The following NOX4 variants were observed in gnomAD, a reference collection of about 807,000 sequenced individuals.
The protein encoded by NOX4 is kidney oxidase-1.
In NOX4, 69 loss-of-function variants were observed where a neutral mutation model predicts 87.6. That is an observed-to-expected ratio of 0.79 (90% CI 0.65 to 0.96). The LOEUF is 0.96. NOX4 is among the 40% of genes least tolerant of loss of function. NOX4 has a pLI of 0.00. For missense variants in NOX4, 680 were observed against 681.5 expected, an observed-to-expected ratio of 1.00 and a Z score of 0.02; for synonymous variants, 275 against 238.2, an observed-to-expected ratio of 1.15 and a Z score of -1.42.
At chr11:89,477,869 T>A (rs1946232663) in intron 2 of NOX4, among the ~76,000 whole-genome samples, 1 of 152,126 alleles carries the variant, frequency 6.6e-6, no homozygotes, top group South Asian at 2.1e-4. Flanking sequence ...ATTTTTGAAA[T>A]TCTAACTAAG....
chr11:89,557,221 C>A, the NOX4 span: 4 of 152,088 alleles, frequency 2.6e-5, no homozygotes, highest in Non-Finnish European at 5.9e-5. Flanking sequence ...AACTGTGTGG[C>A]AATACAAAAG....
intron 2 of NOX4, among the ~76,000 whole-genome samples, chr11:89,458,346 C>T (rs1230479316): frequency 1.3e-5 from 2 of 152,014 alleles, no homozygotes; most frequent in Non-Finnish European, 2.9e-5. Context: ...AAACCTAAAA[C>T]TACAAAAAGC....
At chr11:89,437,614 T>C (rs1213410992) in intron 6 of NOX4, among the ~76,000 whole-genome samples, 1 of 152,040 alleles carries the variant, frequency 6.6e-6, no homozygotes, top group African/African-American at 2.4e-5. Context: ...ATTTGCTGAA[T>C]TGGGTGAGTC....
chr11:89,563,698 C>T, the NOX4 span, among the ~76,000 whole-genome samples: 1 of 152,034 alleles, frequency 6.6e-6, no homozygotes, highest in African/African-American at 2.4e-5. Context: ...AAATTTTGAA[C>T]ATGTAATTTT....
the NOX4 span, among the ~76,000 whole-genome samples, chr11:89,527,929 G>C: frequency 6.6e-6 from 1 of 152,162 alleles, no homozygotes; most frequent in African/African-American, 2.4e-5. Flanking sequence ...TCCACCAACA[G>C]CTTGCACTGT....
At chr11:89,507,124 TGAA>T in the NOX4 span, among the ~76,000 whole-genome samples, 1 of 151,924 alleles carries the variant, frequency 6.6e-6, no homozygotes, top group Non-Finnish European at 1.5e-5. Context: ...AGAAAGTAGA[TGAA>T]GATTTTCTGT....
chr11:89,437,233 T>C (rs1027203967), intron 6 of NOX4, among the ~76,000 whole-genome samples: 1 of 151,870 alleles, frequency 6.6e-6, no homozygotes, highest in Admixed American at 6.6e-5. Flanking sequence ...CCGGGCATGG[T>C]GACGGGCACC....
the NOX4 span, among the ~76,000 whole-genome samples, chr11:89,588,364 CA>C: frequency 6.6e-6 from 1 of 152,042 alleles, no homozygotes. Context: ...TAACAAAAAA[CA>C]GAAGCATCGA....
the NOX4 span, among the ~76,000 whole-genome samples, chr11:89,542,754 G>T: frequency 6.6e-6 from 1 of 152,078 alleles, no homozygotes; most frequent in Non-Finnish European, 1.5e-5. Context: ...CAGGAACTCA[G>T]GTTTCTAATT....
At chr11:89,513,929 C>A in the NOX4 span, among the ~76,000 whole-genome samples, 1 of 151,680 alleles carries the variant, frequency 6.6e-6, no homozygotes. Flanking sequence ...TAAGCTTTAC[C>A]CATTTTACCA....
At chr11:89,548,291 T>C in the NOX4 span, 1 of 152,194 alleles carries the variant, frequency 6.6e-6, no homozygotes, top group Non-Finnish European at 1.5e-5. Flanking sequence ...AAGACCAGAA[T>C]GCTAACTAGC....
rs1289702342 is a variant in NOX4 at position 89,326,707 on chromosome 11, G to A, written c.*49C>T. 6.4e-7 allele frequency: 1 copy of A among 1,567,696 alleles called. No individual in the cohort carries two copies. The highest frequency in any genetic ancestry group is 8.7e-7 in the Non-Finnish European group (1 of 1,146,080). ...GATTCCGCTGAGTTTCAAAGTCTTAGAAATTGCACTCATTCCTTCTTTAGA... is the reference window on the plus strand; with the variant it reads ...GATTCCGCTGAGTTTCAAAGTCTTAAAAATTGCACTCATTCCTTCTTTAGA... On this transcript the variant is annotated 3_prime_UTR_variant, in exon 18 of 18. Transcript: ENST00000263317.
At chr11:89,377,548 A>G (rs1939946940) in intron 11 of NOX4, among the ~76,000 whole-genome samples, 1 of 152,182 alleles carries the variant, frequency 6.6e-6, no homozygotes, top group Non-Finnish European at 1.5e-5. Flanking sequence ...TAATAATTTT[A>G]TAACAGTCCC....
chr11:89,466,477 T>C (rs916352561), intron 2 of NOX4, among the ~76,000 whole-genome samples: 1 of 152,196 alleles, frequency 6.6e-6, no homozygotes, highest in Non-Finnish European at 1.5e-5. Flanking sequence ...TATATAGAGT[T>C]AACTTATTGC....
chr11:89,455,640 A>C (rs576320716), intron 2 of NOX4, among the ~76,000 whole-genome samples: 63 of 151,906 alleles, frequency 4.1e-4, no homozygotes, highest in African/African-American at 1.5e-3. Flanking sequence ...ATAACTTTAA[A>C]TTGCACAGCT....
At chr11:89,348,971 T>C (rs1013646450) in intron 13 of NOX4, among the ~76,000 whole-genome samples, 1 of 152,156 alleles carries the variant, frequency 6.6e-6, no homozygotes, top group African/African-American at 2.4e-5. Context: ...TGTGTAGTGC[T>C]CATTATGTGT....
chr11:89,557,232 C>A, the NOX4 span: 8 of 152,072 alleles, frequency 5.3e-5, no homozygotes, highest in African/African-American at 1.7e-4. Flanking sequence ...AATACAAAAG[C>A]CTTGCTTATG....
intron 8 of NOX4, among the ~76,000 whole-genome samples, chr11:89,410,142 C>T (rs201511409): frequency 6.6e-6 from 1 of 151,866 alleles, no homozygotes; most frequent in Non-Finnish European, 1.5e-5. Flanking sequence ...ATAAAGACCC[C>T]GAACAAAAAT....
chr11:89,355,086 G>C, intron 12 of NOX4, 43 bp from the exon 13 acceptor site: 1 of 1,378,060 alleles, frequency 7.3e-7, no homozygotes, highest in Non-Finnish European at 1.0e-6. Context: ...AAAGATAAAA[G>C]TCATGAAAAT....
Sources: gnomAD v4.1 joint callset for allele counts (sites outside exome capture counted in the v4.1 genomes callset) on GRCh38, gnomAD v4.1.1 for gene constraint, MANE v1.5 for transcripts, NCBI Gene and HGNC (gene_info 2026-07-23, HGNC 2026-07-21) for gene names.